SCFD2: variants seen among roughly 807,000 people sequenced by gnomAD.
SCFD2 encodes the protein sec1 family domain containing 2.
SCFD2 carries 54 observed loss-of-function variants against 58.9 expected under a neutral mutation model. The ratio of observed to expected loss-of-function variants is 0.92; its 90% CI spans 0.74 to 1.15. The LOEUF (loss-of-function observed/expected upper bound fraction) is 1.15, where lower values mean the gene tolerates loss of function less well. SCFD2 is among the 50% of genes most tolerant of loss of function. SCFD2 has a pLI of 0.00. For missense variants in SCFD2, 805 were observed against 836.6 expected, an observed-to-expected ratio of 0.96 and a Z score of 0.47; for synonymous variants, 321 against 335.9, an observed-to-expected ratio of 0.96 and a Z score of 0.49.
chr4:52,950,243 G>T (rs914787736), intron 5 of SCFD2: 1 of 152,206 alleles, frequency 6.6e-6, no homozygotes, highest in African/African-American at 2.4e-5. Context: ...AATGCTTGTG[G>T]ATACTCGAAA....
chr4:53,276,395 A>T (rs1308850312), intron 3 of SCFD2, among the ~76,000 whole-genome samples: 3 of 152,156 alleles, frequency 2.0e-5, no homozygotes, highest in Non-Finnish European at 2.9e-5. Flanking sequence ...TCAGATACTT[A>T]GGGGTTTGTG....
intron 4 of SCFD2, among the ~76,000 whole-genome samples, chr4:53,193,891 C>T (rs112009963): frequency 3.9e-4 from 60 of 152,226 alleles, no homozygotes; most frequent in African/African-American, 1.4e-3. Context: ...CCTACCTCAC[C>T]CCTTCCCAAG....
intron 4 of SCFD2, among the ~76,000 whole-genome samples, chr4:53,257,023 A>G (rs946005495): frequency 5.3e-5 from 8 of 152,094 alleles, no homozygotes; most frequent in Non-Finnish European, 1.0e-4. Flanking sequence ...TAATACAGTG[A>G]CAATATAATC....
chr4:53,229,832 G>T (rs1047528563), intron 4 of SCFD2, among the ~76,000 whole-genome samples: 18 of 152,102 alleles, frequency 1.2e-4, no homozygotes, highest in African/African-American at 4.3e-4. Flanking sequence ...GAGTGAACAG[G>T]CAACCTACAG....
chr4:53,104,793 A>G (rs1008383273), intron 5 of SCFD2, among the ~76,000 whole-genome samples: 1 of 152,142 alleles, frequency 6.6e-6, no homozygotes, highest in Non-Finnish European at 1.5e-5. Context: ...AACACAGATG[A>G]CCTGACGTTT....
At chr4:53,267,220 C>T (rs1425099502) in intron 4 of SCFD2, among the ~76,000 whole-genome samples, 1 of 152,088 alleles carries the variant, frequency 6.6e-6, no homozygotes, top group Non-Finnish European at 1.5e-5. Flanking sequence ...AAACAATTCT[C>T]AACATTAGCT....
chr4:53,341,156 T>C (rs1374270915), intron 2 of SCFD2, among the ~76,000 whole-genome samples: 1 of 151,996 alleles, frequency 6.6e-6, no homozygotes, highest in Non-Finnish European at 1.5e-5. Flanking sequence ...ACCAAACTTC[T>C]CCAAGCTAAA....
At chr4:53,150,067 T>C (rs1726460871) in intron 4 of SCFD2, among the ~76,000 whole-genome samples, 2 of 152,192 alleles carry the variant, frequency 1.3e-5, no homozygotes, top group South Asian at 4.1e-4. Context: ...TTATATTTGA[T>C]AAATGCACCA....
chr4:53,198,886 G>A (rs1361194235), intron 4 of SCFD2, among the ~76,000 whole-genome samples: 4 of 152,072 alleles, frequency 2.6e-5, no homozygotes, highest in African/African-American at 9.7e-5. Flanking sequence ...GCATACATTT[G>A]AGTTGCCAAA....
intron 5 of SCFD2, among the ~76,000 whole-genome samples, chr4:53,069,597 T>A (rs1368975424): frequency 6.6e-6 from 1 of 152,090 alleles, no homozygotes; most frequent in Non-Finnish European, 1.5e-5. Context: ...GAAAGAATGC[T>A]ACTTTTGTTT....
intron 5 of SCFD2, among the ~76,000 whole-genome samples, chr4:52,970,789 C>T (rs891403447): frequency 2.6e-5 from 4 of 152,220 alleles, no homozygotes; most frequent in Non-Finnish European, 4.4e-5. Flanking sequence ...ACTGACACCT[C>T]ACACGGCCGG....
intron 4 of SCFD2, among the ~76,000 whole-genome samples, chr4:53,215,892 A>G (rs901890839): frequency 3.3e-5 from 5 of 152,098 alleles, no homozygotes; most frequent in Non-Finnish European, 5.9e-5. Flanking sequence ...TTCTGCATCT[A>G]TTGAGATAAT....
chr4:53,271,435 CTTTATTTATTTATTTATTTATTTA>C (rs10524620), intron 4 of SCFD2, among the ~76,000 whole-genome samples: 2 of 139,448 alleles, frequency 1.4e-5, no homozygotes, highest in Non-Finnish European at 3.1e-5. Flanking sequence ...ACATACATCA[CTTTATTTATTTATTTATTTATTTA>C]TTTATTTATT....
intron 5 of SCFD2, among the ~76,000 whole-genome samples, chr4:53,111,539 T>C (rs1462706764): frequency 6.6e-6 from 1 of 152,102 alleles, no homozygotes; most frequent in Non-Finnish European, 1.5e-5. Flanking sequence ...GCCTAAATAT[T>C]ACTTGATTAG....
chr4:53,194,431 T>C (rs1728001355), intron 4 of SCFD2, among the ~76,000 whole-genome samples: 1 of 152,218 alleles, frequency 6.6e-6, no homozygotes, highest in African/African-American at 2.4e-5. Flanking sequence ...TTGCTAGCAG[T>C]ACATTTGTGC....
chr4:52,969,155 C>G (rs1721034676), intron 5 of SCFD2, among the ~76,000 whole-genome samples: 1 of 152,160 alleles, frequency 6.6e-6, no homozygotes, highest in Non-Finnish European at 1.5e-5. Context: ...TTTCCATCCA[C>G]TGACTCCCAC....
intron 3 of SCFD2, among the ~76,000 whole-genome samples, chr4:53,289,154 C>G (rs561057888): frequency 6.6e-6 from 1 of 152,170 alleles, no homozygotes; most frequent in African/African-American, 2.4e-5. Flanking sequence ...CCCCTGAGAT[C>G]AGGAGTTTGA....
chr4:52,878,558 C>T (rs1204109051), intron 8 of SCFD2, among the ~76,000 whole-genome samples: 1 of 152,124 alleles, frequency 6.6e-6, no homozygotes, highest in African/African-American at 2.4e-5. Flanking sequence ...TTTACTAGAA[C>T]ATTTCTACAT....
At chr4:53,226,571 T>C (rs1341643282) in intron 4 of SCFD2, among the ~76,000 whole-genome samples, 3 of 152,014 alleles carry the variant, frequency 2.0e-5, no homozygotes, top group African/African-American at 7.2e-5. Context: ...ATAAAATAAA[T>C]TGAGAGGAAA....
Sources: allele counts gnomAD v4.1 joint callset (sites outside exome capture counted in the v4.1 genomes callset), GRCh38; gene constraint gnomAD v4.1.1; transcripts MANE v1.5; gene names NCBI Gene and HGNC (gene_info 2026-07-23, HGNC 2026-07-21).